The following PCDHGA3 variants were observed in gnomAD, a reference collection of about 807,000 sequenced individuals.
PCDHGA3 encodes protocadherin gamma subfamily A, 3.
In PCDHGA3, 40 loss-of-function variants were observed where a neutral mutation model predicts 58.5. The ratio of observed to expected loss-of-function variants is 0.68; its 90% confidence interval spans 0.53 to 0.89. PCDHGA3 has a LOEUF of 0.89. Among genes scored for constraint, PCDHGA3 ranks in the 40% least tolerant of loss-of-function variants. The pLI is 0.00. For synonymous variants in PCDHGA3, 530 were observed against 525.7 expected, an observed-to-expected ratio of 1.01 and a Z score of -0.11; for missense variants, 1,223 against 1,195.9, an observed-to-expected ratio of 1.02 and a Z score of -0.33.
intron 3 of PCDHGA3, chr5:141,508,084 T>A (rs1422530110): frequency 6.6e-6 from 1 of 152,432 alleles, no homozygotes; most frequent in East Asian, 1.9e-4. Flanking sequence ...CTGGAGTTGC[T>A]GCCTTGGCCC....
At position 141,477,966 on chromosome 5, in the gene PCDHGA3, G is replaced by T; in HGVS notation, c.2425-16841G>T. 1 of 1,614,118 alleles carries T rather than the reference G, an allele frequency of 6.2e-7. No individual in the cohort carries two copies. The highest frequency in any genetic ancestry group is 8.5e-7 in the Non-Finnish European group (1 of 1,180,036). On this transcript the variant is annotated intron_variant, in intron 1 of 3. Coordinates refer to ENST00000253812, the MANE Select transcript of PCDHGA3 (RefSeq NM_018916.4). This position sits in a 1 kb window ranked among gnomAD's most constrained non-coding sequence, Gnocchi z 4.9. ...AGTCTCTTGGGATCCCCTAACCAGA[G>T]CCTTTTTGCCATAGGGCTGCACACT...
At chr5:141,388,940 C>A (rs762814414) in intron 1 of PCDHGA3, 1 of 1,613,966 alleles carries the variant, frequency 6.2e-7, no homozygotes, top group South Asian at 1.1e-5. Context: ...CTCTACCCAA[C>A]CTAATTATGG....
Position 141,489,980 on chromosome 5 carries a change from T to G in PCDHGA3, c.2425-4827T>G, listed in dbSNP as rs2099694325. 1.2e-6 allele frequency: 2 copies of G among 1,614,204 alleles called. No individual in the cohort carries two copies. The highest frequency in any genetic ancestry group is 1.7e-6 in the Non-Finnish European group (2 of 1,180,012). On this transcript the variant is annotated intron_variant, in intron 1 of 3. Transcript: ENST00000253812. This position sits in a 1 kb window ranked among gnomAD's most constrained non-coding sequence, Gnocchi z 4.5. ...GCTCCAACCTTCCAATCCTCAGTTC[T>G]ACGTGTGGGAATCCCAGAGAATGCA...
At chr5:141,366,253 C>T in intron 1 of PCDHGA3, 3 of 1,613,750 alleles carry the variant, frequency 1.9e-6, no homozygotes, top group Non-Finnish European at 1.7e-6. Flanking sequence ...TCAAGCAGAG[C>T]CTCGTGGTGG....
chr5:141,366,824 C>A, intron 1 of PCDHGA3: 1 of 1,535,428 alleles, frequency 6.5e-7, no homozygotes, highest in Non-Finnish European at 8.8e-7. Context: ...CTGTCATATT[C>A]AGAATCAGCT....
In PCDHGA3 at chr5:141,477,880, C is replaced by T. The variant is rs763789849; in HGVS notation, c.2425-16927C>T. 10 of 1,614,058 alleles carry T rather than the reference C, an allele frequency of 6.2e-6. No homozygotes were observed. The African/African-American group carries it at 1.2e-4, about 19-fold the overall frequency. ...TGCCTCGAGGTACCTCAGCTGGCCA[C>T]CTAGTGTCACGGGTGGTAGGCTGGG... is the stretch of plus-strand genomic sequence containing the variant. On this transcript the variant is annotated intron_variant, in intron 1 of 3. Transcript: ENST00000253812. The surrounding 1 kb of genome is among the most constrained non-coding windows in gnomAD (Gnocchi z 4.9).
At chr5:141,478,719 T>C in intron 1 of PCDHGA3, 1 of 1,543,882 alleles carries the variant, frequency 6.5e-7, no homozygotes, top group South Asian at 1.2e-5. Context: ...GATGGTGGCC[T>C]GCCAGAGTGT....
At chr5:141,350,332 C>G in intron 1 of PCDHGA3, 1 of 1,537,558 alleles carries the variant, frequency 6.5e-7, no homozygotes, top group South Asian at 1.3e-5. Context: ...CTTTGTTCTG[C>G]GGGGCCATCT....
intron 1 of PCDHGA3, among the ~76,000 whole-genome samples, chr5:141,454,204 T>G (rs1161344350): frequency 3.3e-5 from 5 of 152,170 alleles, no homozygotes; most frequent in Non-Finnish European, 1.5e-5. Context: ...GTGAATTTAT[T>G]GACATGAATG....
chr5:141,402,153 T>A (rs2094231712), intron 1 of PCDHGA3, among the ~76,000 whole-genome samples: 1 of 152,166 alleles, frequency 6.6e-6, no homozygotes, highest in Non-Finnish European at 1.5e-5. Flanking sequence ...TTAGCAATAT[T>A]AGGCGAGAAC....
At chr5:141,452,016 A>G (rs988436326) in intron 1 of PCDHGA3, among the ~76,000 whole-genome samples, 5 of 152,084 alleles carry the variant, frequency 3.3e-5, no homozygotes, top group Non-Finnish European at 5.9e-5. Flanking sequence ...TCCAGCCCAC[A>G]CTCTGGGGAG....
At chr5:141,413,090 C>A in intron 1 of PCDHGA3, 2 of 1,391,312 alleles carry the variant, frequency 1.4e-6, no homozygotes, top group Non-Finnish European at 1.9e-6. Flanking sequence ...ACAGAGACAC[C>A]CTGAAGCCAC....
At chr5:141,421,829 T>G in intron 1 of PCDHGA3, 5 of 1,613,784 alleles carry the variant, frequency 3.1e-6, no homozygotes, top group Non-Finnish European at 4.2e-6. Context: ...GAGGGAAGCC[T>G]GGACCGAGAG....
intron 2 of PCDHGA3, among the ~76,000 whole-genome samples, chr5:141,504,238 G>A (rs1043662594): frequency 2.0e-5 from 3 of 152,228 alleles, no homozygotes; most frequent in African/African-American, 7.2e-5. Flanking sequence ...CTAAGAAGCA[G>A]AGAGTTCTTC....
chr5:141,360,957 C>T (rs990313847), intron 1 of PCDHGA3: 1 of 1,613,904 alleles, frequency 6.2e-7, no homozygotes, highest in East Asian at 2.2e-5. Context: ...AAGGCATAAA[C>T]GCAGAGATCA....
chr5:141,357,368 G>T, intron 1 of PCDHGA3: 1 of 1,614,156 alleles, frequency 6.2e-7, no homozygotes, highest in Non-Finnish European at 8.5e-7. Context: ...CACAAGTCAC[G>T]CCTGCTTCAC....
In PCDHGA3 at chr5:141,356,956, T is replaced by C; in HGVS notation, c.2424+10499T>C. 6 of 1,614,202 alleles carry C rather than the reference T, an allele frequency of 3.7e-6. No homozygotes were observed. The African/African-American group carries it at 4.0e-5, about 11-fold the overall frequency. Reference sequence around the variant, plus strand: ...GGCACCCCGCTCCGCAGATTCCGGCTACCTGGTGACCAAAGTGGTGGCAGT... The same window carrying C: ...GGCACCCCGCTCCGCAGATTCCGGCCACCTGGTGACCAAAGTGGTGGCAGT... On this transcript the variant is annotated intron_variant, in intron 1 of 3. Transcript: ENST00000253812.
In PCDHGA3 at chr5:141,357,372, G is replaced by A. The variant is rs1209797012; in HGVS notation, c.2424+10915G>A. On this transcript the variant is annotated intron_variant, in intron 1 of 3. Transcript: ENST00000253812. The stretch of plus-strand genomic sequence containing the variant: ...TGAGACGCTGGCACAAGTCACGCCT[G>A]CTTCACGCTGAAGGCAGCAGGTTGG... The A allele has an allele frequency of 3.7e-6, 6 of 1,614,086 alleles. No individual in the cohort carries two copies. The Admixed American group carries it at 8.3e-5, about 22-fold the overall frequency.
chr5:141,428,797 G>A (rs2097161930), intron 1 of PCDHGA3: 1 of 152,310 alleles, frequency 6.6e-6, no homozygotes, highest in Admixed American at 6.5e-5. Context: ...TTCTGTGTGG[G>A]CCAGTAACTT....
Sources: allele counts gnomAD v4.1 joint callset (sites outside exome capture counted in the v4.1 genomes callset), GRCh38; gene constraint gnomAD v4.1.1; non-coding constraint Gnocchi (gnomAD v3.1); transcripts MANE v1.5; gene names NCBI Gene and HGNC (gene_info 2026-07-23, HGNC 2026-07-21).